The following EIF5B variants were observed in gnomAD, a reference collection of about 807,000 sequenced individuals.
EIF5B encodes the protein eIF-5B.
In EIF5B, 47 loss-of-function variants were observed where a neutral mutation model predicts 147.5. The observed-to-expected ratio is 0.32, with a 90% CI of 0.25 to 0.41. EIF5B has a LOEUF of 0.41. EIF5B is among the 10% of genes least tolerant of loss of function. The probability of loss-of-function intolerance (pLI) is 1.00; values close to 1 mark genes in which losing one functional copy is unlikely to be tolerated. For missense variants in EIF5B, 1,064 were observed against 1,413.2 expected, an observed-to-expected ratio of 0.75 and a Z score of 3.96; for synonymous variants, 455 against 456.2, an observed-to-expected ratio of 1.00 and a Z score of 0.03.
chr2:99,345,943 CAAAA>C (rs70940169), intron 1 of EIF5B, among the ~76,000 whole-genome samples: 1 of 137,036 alleles, frequency 7.3e-6, no homozygotes, highest in Admixed American at 7.2e-5. Context: ...GACCCTGTCT[CAAAA>C]AAAAAAAAAA....
intron 1 of EIF5B, among the ~76,000 whole-genome samples, chr2:99,346,229 G>A (rs1016048776): frequency 2.6e-5 from 4 of 152,158 alleles, no homozygotes; most frequent in African/African-American, 9.7e-5. Context: ...TGTCTCTAGA[G>A]TACCAAGGGT....
chr2:99,357,566 T>G (rs930866424), intron 1 of EIF5B, among the ~76,000 whole-genome samples: 10 of 152,232 alleles, frequency 6.6e-5, no homozygotes, highest in Non-Finnish European at 1.3e-4. Context: ...ACAAATGTAG[T>G]CCTATACTTT....
In EIF5B at chr2:99,371,741, C is replaced by T; in HGVS notation, c.1552+11C>T. The T allele has an allele frequency of 1.2e-6, 2 of 1,607,818 alleles. No individual in the cohort carries two copies. Among genetic ancestry groups the T allele is most frequent in the Non-Finnish European group, 8.5e-7 (1 of 1,176,600 alleles). ...AGGAGACAGAAAAAGGTGAATACCT[C>T]ATAAGCACACACTGATACATCCAGT... On this transcript the variant is annotated intron_variant, in intron 9 of 23. Coordinates refer to ENST00000289371, the MANE Select transcript of EIF5B (RefSeq NM_015904.4).
At position 99,337,535 on chromosome 2, in the gene EIF5B, A is replaced by C. The variant is rs1320639629; in HGVS notation, c.-20A>C. The C allele has an allele frequency of 6.2e-7, 1 of 1,611,420 alleles. No individual in the cohort carries two copies. Among genetic ancestry groups the C allele is most frequent in the East Asian group, 2.2e-5 (1 of 44,764 alleles). ...GAGACCGAATAGAGGGGCTGGGGCCACGAGCGCCATTGACAAGCAATGGGG... is the reference window on the plus strand; with the variant it reads ...GAGACCGAATAGAGGGGCTGGGGCCCCGAGCGCCATTGACAAGCAATGGGG... On this transcript the variant is annotated 5_prime_UTR_variant, in exon 1 of 24. Coordinates refer to ENST00000289371, the MANE Select transcript of EIF5B (RefSeq NM_015904.4).
intron 1 of EIF5B, among the ~76,000 whole-genome samples, chr2:99,339,084 G>A (rs999596556): frequency 4.1e-5 from 6 of 145,940 alleles, no homozygotes; most frequent in Middle Eastern, 3.8e-3. Context: ...GCGCGATCTC[G>A]GCTCACTGCA....
intron 6 of EIF5B, among the ~76,000 whole-genome samples, 152 bp from the exon 7 acceptor site, chr2:99,368,336 ATACCT>A (rs2104194652): frequency 6.6e-6 from 1 of 152,328 alleles, no homozygotes; most frequent in East Asian, 1.9e-4. Flanking sequence ...AAATTTTAAA[ATACCT>A]TATATGTAAA....
Position 99,398,822 on chromosome 2 carries a change from A to T in EIF5B, c.3468A>T (p.Glu1156Asp). The T allele has an allele frequency of 6.2e-7, 1 of 1,614,218 alleles. No individual in the cohort carries two copies. Among genetic ancestry groups the T allele is most frequent in the East Asian group, 2.2e-5 (1 of 44,886 alleles). The change falls in exon 23 of 24, where the codon GAA becomes GAT. Residue 1156 changes from glutamate to aspartate, a missense_variant. This residue lies in a region of EIF5B where 380 missense variants were observed against 715.6 expected (regional missense o/e 0.53). Coordinates refer to ENST00000289371, the MANE Select transcript of EIF5B (RefSeq NM_015904.4). ...KQVDVAKKGQ[E>D]VCVKIEPIPG... Reference sequence around the variant, plus strand: ...TGGATGTTGCAAAAAAAGGACAAGAAGTTTGTGTAAAAATAGAACCTATCC... The same window carrying T: ...TGGATGTTGCAAAAAAAGGACAAGATGTTTGTGTAAAAATAGAACCTATCC...
intron 14 of EIF5B, among the ~76,000 whole-genome samples, chr2:99,386,465 TTGCGTGTGTGTG>T (rs1559258347): frequency 8.7e-6 from 1 of 114,568 alleles, no homozygotes; most frequent in Admixed American, 1.0e-4. Flanking sequence ...TTGTTTTGTT[TTGCGTGTGTGTG>T]TGTGTGTGTG....
At chr2:99,375,306 A>C (rs557587429) in intron 9 of EIF5B, among the ~76,000 whole-genome samples, 2 of 152,332 alleles carry the variant, frequency 1.3e-5, no homozygotes, top group South Asian at 4.1e-4. Flanking sequence ...CTCCAGAGCT[A>C]ATTTATGTGT....
chr2:99,346,835 G>T (rs940324605), intron 1 of EIF5B, among the ~76,000 whole-genome samples: 2 of 151,750 alleles, frequency 1.3e-5, no homozygotes, highest in African/African-American at 4.8e-5. Flanking sequence ...CTCCCAAAGT[G>T]CTGGGATTAC....
intron 18 of EIF5B, among the ~76,000 whole-genome samples, chr2:99,393,407 G>A (rs1253957398): frequency 6.6e-6 from 1 of 152,138 alleles, no homozygotes; most frequent in Non-Finnish European, 1.5e-5. Context: ...TTGGGAGGCT[G>A]AGGCAGGAGA....
Position 99,369,393 on chromosome 2 carries a change from G to A in EIF5B, c.1389G>A (p.Val463=). 6.2e-7 allele frequency: 1 copy of A among 1,608,438 alleles called. No individual in the cohort carries two copies. The highest frequency in any genetic ancestry group is 2.2e-5 in the East Asian group (1 of 44,722). ...TCTTGGTTTCTGCCCCTTTTTCAGT[G>A]TCTGAATCAATGGAATTATGTGCTG... The part of the protein sequence containing the change: ...KIPQQLESKE[V]SESMELCAAV... Residue 463 remains valine, a splice_region_variant and synonymous_variant, in exon 8 of 24, where the codon GTG becomes GTA. Transcript: ENST00000289371.
rs182039658 is a variant in EIF5B, at chr2:99,389,937, C to T, written c.2403+88C>T. ...AATGAAGTCAGCATTTTCATTAATA[C>T]TGGTTCTTTTCCTCTGTTGACAGCA... On this transcript the variant is annotated intron_variant, in intron 15 of 23. Coordinates refer to ENST00000289371, the MANE Select transcript of EIF5B (RefSeq NM_015904.4). The T allele has an allele frequency of 1.3e-4, 191 of 1,460,372 alleles. No homozygotes were observed. In the African/African-American group the frequency reaches 2.6e-3, roughly 20 times the overall value. 90.5% of individuals were successfully genotyped at this position (1,460,372 alleles called of 1,614,324 possible).
In EIF5B at chr2:99,399,183, C is replaced by G. The variant is rs543109029; in HGVS notation, c.3556-124C>G. ...TTGGAATTCTACTCCCTTAGGCAGG[C>G]AAGCCCTGTTTTTTATTTCTGCTTA... On this transcript the variant is annotated intron_variant, in intron 23 of 23. Transcript: ENST00000289371. The G allele has an allele frequency of 1.5e-4, 139 of 949,530 alleles. 3 individuals carry two copies. Among genetic ancestry groups the G allele is most frequent in the South Asian group, 1.1e-3 (69 of 60,310 alleles). The allele number at this position is 949,530 out of a possible 1,614,324, so 58.8% of individuals were successfully genotyped here. A position where few individuals can be genotyped will look rare whatever the true frequency, so the allele number is the denominator to read the frequency against.
Position 99,401,200 on chromosome 2 carries a change from A to G in EIF5B, c.*1786A>G, listed in dbSNP as rs1675344213. 1.6e-6 allele frequency: 2 copies of G among 1,255,844 alleles called. No individual in the cohort carries two copies. The highest frequency in any genetic ancestry group is 2.3e-6 in the Non-Finnish European group (2 of 855,642). The allele number at this position is 1,255,844 out of a possible 1,614,324, so 77.8% of individuals were successfully genotyped here. On this transcript the variant is annotated 3_prime_UTR_variant, in exon 24 of 24. Transcript: ENST00000289371. The stretch of plus-strand genomic sequence containing the variant: ...CTTTGCAAATACCTCACAAGCACTT[A>G]TGGCACAGCTATCAGAGAGCATCAG...
chr2:99,395,289 T>C (rs1454514426), intron 21 of EIF5B, among the ~76,000 whole-genome samples: 4 of 152,194 alleles, frequency 2.6e-5, no homozygotes, highest in African/African-American at 9.7e-5. Flanking sequence ...GTACCTACAT[T>C]GCTGCAGTGG....
intron 21 of EIF5B, among the ~76,000 whole-genome samples, chr2:99,396,260 A>ATTG (rs1675044187): frequency 1.3e-5 from 2 of 152,200 alleles, no homozygotes; most frequent in Non-Finnish European, 2.9e-5. Context: ...TGTGCTCAAT[A>ATTG]AGCAGGGTAG....
At chr2:99,370,605 A>G (rs1273721573) in intron 8 of EIF5B, among the ~76,000 whole-genome samples, 1 of 152,326 alleles carries the variant, frequency 6.6e-6, no homozygotes, top group South Asian at 2.1e-4. Flanking sequence ...AGAATTGCTA[A>G]TTTAGATGGA....
chr2:99,360,612 G>A, intron 3 of EIF5B, 63 bp downstream of exon 3: 1 of 1,516,370 alleles, frequency 6.6e-7, no homozygotes, highest in South Asian at 1.2e-5. Context: ...CTTAATGTTG[G>A]TTTGGGGAGC....
Sources: gnomAD v4.1 joint callset for allele counts (sites outside exome capture counted in the v4.1 genomes callset) on GRCh38, gnomAD v4.1.1 for gene constraint, gnomAD v4.1.1 regional missense constraint, MANE v1.5 for transcripts, NCBI Gene and HGNC (gene_info 2026-07-23, HGNC 2026-07-21) for gene names.